The following E2F7 variants were observed in gnomAD, a reference collection of about 807,000 sequenced individuals.
The protein encoded by E2F7 is transcription factor E2F7.
Under a neutral mutation model 81.1 loss-of-function variants are expected in E2F7, and 35 were observed. That is an observed-to-expected ratio of 0.43 (90% CI 0.33 to 0.57). The LOEUF (loss-of-function observed/expected upper bound fraction) is 0.57. Among genes scored for constraint, E2F7 ranks in the 20% least tolerant of loss-of-function variants. The pLI, the probability that E2F7 is intolerant of heterozygous loss-of-function variation, is 0.04. For missense variants in E2F7, 961 were observed against 1,093.7 expected, an observed-to-expected ratio of 0.88 and a Z score of 1.71; for synonymous variants, 416 against 416.2, an observed-to-expected ratio of 1.00 and a Z score of 0.01.
chr12:77,063,593 T>C (rs980050036), intron 2 of E2F7, among the ~76,000 whole-genome samples: 2 of 152,144 alleles, frequency 1.3e-5, no homozygotes, highest in Non-Finnish European at 2.9e-5. Context: ...ACACATTCCC[T>C]GTGGATAAGG....
At chr12:77,031,892 C>G (rs1954810776) in intron 9 of E2F7, among the ~76,000 whole-genome samples, 1 of 152,170 alleles carries the variant, frequency 6.6e-6, no homozygotes, top group Admixed American at 6.5e-5. Flanking sequence ...CTCTGTGAAA[C>G]TGAACATGCC....
chr12:77,028,198 CT>C (rs375510532), intron 10 of E2F7, 60 bp from the exon 11 acceptor site: 67,966 of 896,224 alleles, frequency 0.076, 21 homozygotes, highest in South Asian at 0.1. Context: ...GTAAATCTCT[CT>C]TTTTTTTTTT....
chr12:77,023,966 C>T lies in E2F7; in HGVS notation c.*49G>A, dbSNP rs1451864204. On this transcript the variant is annotated 3_prime_UTR_variant, in exon 13 of 13. Transcript: ENST00000322886. ...TGGTTTGCATCCCGCCTCGGACATCCGGGACTCTCAGGGCGTTTGATCCCA... is the reference window on the plus strand; with the variant it reads ...TGGTTTGCATCCCGCCTCGGACATCTGGGACTCTCAGGGCGTTTGATCCCA... 7 of 1,591,828 alleles carry T rather than the reference C, an allele frequency of 4.4e-6. No homozygotes were observed. Among genetic ancestry groups the T allele is most frequent in the East Asian group, 2.2e-5 (1 of 44,654 alleles).
chr12:77,041,865 T>C (rs993801551), intron 7 of E2F7, among the ~76,000 whole-genome samples: 1 of 152,178 alleles, frequency 6.6e-6, no homozygotes, highest in Non-Finnish European at 1.5e-5. Context: ...CTGTTCTGGA[T>C]ACTATGGGGT....
chr12:77,034,369 CAG>C (rs774264452), intron 7 of E2F7, among the ~76,000 whole-genome samples: 34 of 152,276 alleles, frequency 2.2e-4, no homozygotes, highest in South Asian at 4.1e-4. Context: ...TCTATTTGAG[CAG>C]AGAGTATCAA....
intron 3 of E2F7, 26 bp from the exon 4 acceptor site, chr12:77,050,770 G>C (rs1954980209): frequency 6.2e-7 from 1 of 1,605,360 alleles, no homozygotes; most frequent in South Asian, 1.1e-5. Flanking sequence ...AGAAGGGAGG[G>C]GGAAGATGTC....
At chr12:77,028,663 A>G (rs1954779188) in intron 10 of E2F7, among the ~76,000 whole-genome samples, 1 of 151,642 alleles carries the variant, frequency 6.6e-6, no homozygotes, top group African/African-American at 2.4e-5. Context: ...TTTAGTAGAG[A>G]CAGGGTTTCA....
At chr12:77,050,516 A>G (rs901718636) in intron 4 of E2F7, 60 bp downstream of exon 4, 94 of 1,583,592 alleles carry the variant, frequency 5.9e-5, no homozygotes, top group Non-Finnish European at 7.4e-5. Context: ...AGCCTGCCCA[A>G]GGAAACCAGT....
intron 2 of E2F7, among the ~76,000 whole-genome samples, chr12:77,057,583 T>C (rs749289876): frequency 6.6e-6 from 1 of 152,210 alleles, no homozygotes; most frequent in Non-Finnish European, 1.5e-5. Flanking sequence ...GTTTGTGGAA[T>C]ACCATCTGCC....
At chr12:77,049,371 G>C (rs1954968032) in intron 4 of E2F7, among the ~76,000 whole-genome samples, 1 of 152,124 alleles carries the variant, frequency 6.6e-6, no homozygotes, top group Non-Finnish European at 1.5e-5. Context: ...GAGATGGACA[G>C]GACAGCTAGG....
Position 77,023,937 on chromosome 12 carries a change from G to A in E2F7, c.*78C>T, listed in dbSNP as rs1275199568. 2.0e-6 allele frequency: 3 copies of A among 1,534,218 alleles called. No individual in the cohort carries two copies. The highest frequency in any genetic ancestry group is 2.6e-6 in the Non-Finnish European group (3 of 1,134,462). The stretch of plus-strand genomic sequence containing the variant: ...GAGAGGAAGGACCCGTGCTCAGGAC[G>A]GGATGGTTTGCATCCCGCCTCGGAC... On this transcript the variant is annotated 3_prime_UTR_variant, in exon 13 of 13. Coordinates refer to ENST00000322886, the MANE Select transcript of E2F7 (RefSeq NM_203394.3).
At chr12:77,030,910 T>C (rs530361297) in intron 9 of E2F7, among the ~76,000 whole-genome samples, 1 of 152,286 alleles carries the variant, frequency 6.6e-6, no homozygotes, top group East Asian at 1.9e-4. Flanking sequence ...TAAAAAAAGA[T>C]TAATCTCATT....
chr12:77,051,317 G>T (rs1270695250), intron 3 of E2F7, among the ~76,000 whole-genome samples: 1 of 152,076 alleles, frequency 6.6e-6, no homozygotes, highest in Non-Finnish European at 1.5e-5. Flanking sequence ...TTTGAAAGGG[G>T]CTCCATTCAA....
intron 6 of E2F7, 82 bp from the exon 7 acceptor site, chr12:77,043,281 G>A (rs1302014498): frequency 3.0e-5 from 47 of 1,584,044 alleles, no homozygotes; most frequent in South Asian, 2.9e-4. Flanking sequence ...AACTTTTCTC[G>A]GCTGCCATAT....
At chr12:77,043,357 G>T (rs1954909990) in intron 6 of E2F7, among the ~76,000 whole-genome samples, 158 bp from the exon 7 acceptor site, 1 of 151,978 alleles carries the variant, frequency 6.6e-6, no homozygotes, top group South Asian at 2.1e-4. Flanking sequence ...AAATCACCCA[G>T]GATTTATGTA....
At chr12:77,062,178 C>T (rs1955084242) in intron 2 of E2F7, among the ~76,000 whole-genome samples, 1 of 151,974 alleles carries the variant, frequency 6.6e-6, no homozygotes, top group Non-Finnish European at 1.5e-5. Context: ...GGGTGCTTTA[C>T]AAAAACTCAA....
chr12:77,061,158 G>A (rs1014803524), intron 2 of E2F7, among the ~76,000 whole-genome samples: 3 of 152,090 alleles, frequency 2.0e-5, no homozygotes, highest in Non-Finnish European at 4.4e-5. Flanking sequence ...CACGTATAAA[G>A]CTTTAAAATC....
At chr12:77,062,887 TA>T (rs200772361) in intron 2 of E2F7, among the ~76,000 whole-genome samples, 17,225 of 131,698 alleles carry the variant, frequency 0.13, 1,724 homozygotes, top group East Asian at 0.57. Context: ...CTTAGATAAT[TA>T]AAAAAAAAAA....
At chr12:77,064,033 G>C (rs1477271841) in intron 2 of E2F7, among the ~76,000 whole-genome samples, 2 of 152,186 alleles carry the variant, frequency 1.3e-5, no homozygotes, top group African/African-American at 4.8e-5. Flanking sequence ...CAACAGTATG[G>C]TAAAATATTC....
Sources: gnomAD v4.1 joint callset for allele counts (sites outside exome capture counted in the v4.1 genomes callset) on GRCh38, gnomAD v4.1.1 for gene constraint, MANE v1.5 for transcripts, NCBI Gene and HGNC (gene_info 2026-07-23, HGNC 2026-07-21) for gene names.